The following SIRPB2 variants were observed in gnomAD, a reference collection of about 807,000 sequenced individuals.
SIRPB2 encodes signal regulatory protein beta 2.
In SIRPB2, 18 loss-of-function variants were observed where a neutral mutation model predicts 27.1. That is an observed-to-expected ratio of 0.66 (90% confidence interval 0.46 to 0.98). The LOEUF is 0.98. Ranked by LOEUF, SIRPB2 falls within the 50% of genes least tolerant of loss-of-function variation. SIRPB2 has a pLI of 0.00. For missense variants in SIRPB2, 420 were observed against 417.4 expected, an observed-to-expected ratio of 1.01 and a Z score of -0.06; for synonymous variants, 150 against 164.6, an observed-to-expected ratio of 0.91 and a Z score of 0.68.
chr20:1,489,449 G>T (rs1371179755), intron 1 of SIRPB2, among the ~76,000 whole-genome samples: 1 of 152,222 alleles, frequency 6.6e-6, no homozygotes, highest in African/African-American at 2.4e-5. Context: ...AGAGGAAGAA[G>T]GAAGCACTCA....
rs778373678 is a variant in SIRPB2 at position 1,478,561 on chromosome 20, T to C, written c.498A>G (p.Glu166=). The part of the protein sequence containing the change: ...EPDLWIIQPQ[E]LVLGTTGDTV... ...TGTCTCCAGTGGTCCCCAACACCAA[T>C]TCCTGGGGCTGGATGATCCACAGGT... Residue 166 remains glutamate (E), a synonymous_variant, in exon 3 of 5, where the codon GAA becomes GAG. Coordinates refer to ENST00000359801, the MANE Select transcript of SIRPB2 (RefSeq NM_001122962.2). 1 of 1,607,920 alleles carries C rather than the reference T, an allele frequency of 6.2e-7. No individual in the cohort carries two copies.
chr20:1,478,212 T>A, intron 3 of SIRPB2, 54 bp downstream of exon 3: 1 of 1,545,732 alleles, frequency 6.5e-7, no homozygotes, highest in South Asian at 1.1e-5. Context: ...GTAGAAAAAT[T>A]CCTGTTGAAT....
chr20:1,476,122 T>C lies in SIRPB2; in HGVS notation c.*45A>G, dbSNP rs778731795. ...AGGTAGGGAAATGGTTGAGGAGCCC[T>C]GGCTCCTCTCCAACTCAGAGGGTCC... On this transcript the variant is annotated 3_prime_UTR_variant, in exon 5 of 5. Coordinates refer to ENST00000359801, the MANE Select transcript of SIRPB2 (RefSeq NM_001122962.2). The C allele has an allele frequency of 1.4e-5, 22 of 1,593,846 alleles. No individual in the cohort carries two copies. The highest frequency in any genetic ancestry group is 1.5e-5 in the Non-Finnish European group (18 of 1,171,170).
intron 2 of SIRPB2, chr20:1,479,211 A>G: frequency 5.9e-6 from 1 of 170,248 alleles, no homozygotes; most frequent in Non-Finnish European, 1.3e-5. Flanking sequence ...CCATAGGTGG[A>G]CTTACAGATG....
chr20:1,476,990 G>A (rs2090611782), intron 4 of SIRPB2: 2 of 1,240,256 alleles, frequency 1.6e-6, no homozygotes. Context: ...CACTAGGAAG[G>A]GGCTCCATCC....
chr20:1,480,110 G>A (rs1402226519), intron 1 of SIRPB2, 45 bp from the exon 2 acceptor site: 1 of 1,542,706 alleles, frequency 6.5e-7, no homozygotes, highest in Admixed American at 2.0e-5. Context: ...GGAAGGACTT[G>A]GAGCCCTAAA....
At chr20:1,478,231 C>T (rs6042506) in intron 3 of SIRPB2, 35 bp downstream of exon 3, 125,153 of 1,589,352 alleles carry the variant, frequency 0.079, 9,431 homozygotes, top group African/African-American at 0.39. Flanking sequence ...ATACCTGCTC[C>T]GCTCTCCCGA....
chr20:1,473,597 A>G (rs1241146017), downstream of SIRPB2, among the ~76,000 whole-genome samples: 1 of 150,136 alleles, frequency 6.7e-6, no homozygotes, highest in Non-Finnish European at 1.5e-5. Context: ...AGAGTGGTCC[A>G]GAGAGGCCTT....
chr20:1,489,006 T>C (rs1175001435), intron 1 of SIRPB2, among the ~76,000 whole-genome samples: 2 of 152,160 alleles, frequency 1.3e-5, no homozygotes, highest in African/African-American at 4.8e-5. Flanking sequence ...GGTTTATCCA[T>C]ACAATGGATA....
intron 1 of SIRPB2, 155 bp from the exon 2 acceptor site, chr20:1,480,220 T>C: frequency 9.8e-6 from 10 of 1,019,096 alleles, no homozygotes; most frequent in Non-Finnish European, 1.4e-5. Context: ...GGGGATGAGA[T>C]GGCTGGCTGC....
At position 1,479,717 on chromosome 20, in the gene SIRPB2, G is replaced by C; in HGVS notation, c.434C>G (p.Thr145Ser). 1 of 1,614,112 alleles carries C rather than the reference G, an allele frequency of 6.2e-7. No individual in the cohort carries two copies. Among genetic ancestry groups the C allele is most frequent in the East Asian group, 2.2e-5 (1 of 44,880 alleles). Residue 145 changes from threonine to serine, a missense_variant, in exon 2 of 5, where the codon ACC becomes AGC. By Grantham distance (58) the Thr-to-Ser change is moderately conservative. Coordinates refer to ENST00000359801, the MANE Select transcript of SIRPB2 (RefSeq NM_001122962.2). ...ATCCTTACCCTTCACAAGCACTGAG[G>C]TGCCTTCATCCGATTTCATTTCTGA... ...EHSEMKSDEG[T>S]SVLVKGAGDP...
chr20:1,479,500 A>G, intron 2 of SIRPB2, 200 bp downstream of exon 2: 1 of 786,580 alleles, frequency 1.3e-6, no homozygotes, highest in Non-Finnish European at 2.0e-6. Context: ...CATAGTTGCT[A>G]CCTCTCCAGC....
At chr20:1,488,217 T>C (rs1245500423) in intron 1 of SIRPB2, among the ~76,000 whole-genome samples, 1 of 152,150 alleles carries the variant, frequency 6.6e-6, no homozygotes, top group Non-Finnish European at 1.5e-5. Context: ...GTATCCATAA[T>C]ATATAACGAA....
In SIRPB2 at chr20:1,478,471, T is replaced by A; in HGVS notation, c.588A>T (p.Gly196=). The change falls in exon 3 of 5, where the codon GGA becomes GGT. Residue 196 remains glycine (G), a synonymous_variant. Transcript: ENST00000359801. ...AAATGGCCTCCCGGCTCAGACCAGC[T>A]CCCTGGAACCACCTGATGGGTCCAG... ...GPPGPIRWFQ[G]AGLSREAIYN... 1 of 1,614,134 alleles carries A rather than the reference T, an allele frequency of 6.2e-7. No homozygotes were observed. The highest frequency in any genetic ancestry group is 1.1e-5 in the South Asian group (1 of 91,086).
At chr20:1,485,021 C>T (rs765129977) in intron 1 of SIRPB2, among the ~76,000 whole-genome samples, 7 of 151,960 alleles carry the variant, frequency 4.6e-5, no homozygotes, top group South Asian at 2.1e-4. Context: ...TTCACTCATA[C>T]GTGGAAGCTA....
intron 3 of SIRPB2, 134 bp downstream of exon 3, chr20:1,478,132 G>T: frequency 1.2e-6 from 1 of 840,942 alleles, no homozygotes. Flanking sequence ...AAAGGAGAAA[G>T]CATTCCAGGT....
At chr20:1,476,588 C>T in intron 4 of SIRPB2, 3 of 476,236 alleles carry the variant, frequency 6.3e-6, no homozygotes, top group Non-Finnish European at 8.2e-6. Context: ...TCCTAATTGC[C>T]TAATGCAATC....
At position 1,479,993 on chromosome 20, in the gene SIRPB2, C is replaced by T. The variant is rs2090653503; in HGVS notation, c.158G>A (p.Gly53Asp). The change falls in exon 2 of 5, where the codon GGT becomes GAT. Residue 53 changes from glycine to aspartate, a missense_variant. Physicochemically the swap from Gly to Asp is moderately conservative, Grantham distance 94. Transcript: ENST00000359801. ...CATACACCTCAGTAGAAGTGTCTCA[C>T]CTTCTGCCACCAGCATGGGGCCCTC... is the stretch of plus-strand genomic sequence containing the variant. ...QPEGPMLVAE[G>D]ETLLLRCMVV... 1 of 1,614,182 alleles carries T rather than the reference C, an allele frequency of 6.2e-7. No homozygotes were observed. The highest frequency in any genetic ancestry group is 1.7e-5 in the Admixed American group (1 of 60,034).
intron 1 of SIRPB2, among the ~76,000 whole-genome samples, chr20:1,487,633 G>A (rs900327945): frequency 3.3e-5 from 5 of 152,154 alleles, no homozygotes; most frequent in African/African-American, 1.2e-4. Context: ...GCAAATAGAG[G>A]CAACTGATTT....
Sources: gnomAD v4.1 joint callset for allele counts (sites outside exome capture counted in the v4.1 genomes callset) on GRCh38, gnomAD v4.1.1 for gene constraint, MANE v1.5 for transcripts, NCBI Gene and HGNC (gene_info 2026-07-23, HGNC 2026-07-21) for gene names.